Variants in MYO7A observed in about 807,000 individuals in gnomAD.
MYO7A encodes the protein unconventional myosin-VIIa.
In MYO7A, 210 loss-of-function variants were observed where a neutral mutation model predicts 263.8. That is an observed-to-expected ratio of 0.80 (90% CI 0.71 to 0.89). The LOEUF (loss-of-function observed/expected upper bound fraction) is 0.89. Ranked by LOEUF, MYO7A falls within the 40% of genes least tolerant of loss-of-function variation. The pLI, the probability that MYO7A is intolerant of heterozygous loss-of-function variation, is 0.00. For synonymous variants in MYO7A, 1,239 were observed against 1,197.3 expected, an observed-to-expected ratio of 1.03 and a Z score of -0.72; for missense variants, 2,820 against 2,968.3, an observed-to-expected ratio of 0.95 and a Z score of 1.16.
chr11:77,174,927 G>C lies in MYO7A; in HGVS notation c.2094+13G>C, dbSNP rs1555079148. The C allele has an allele frequency of 6.2e-7, 1 of 1,609,366 alleles. No homozygotes were observed. Among genetic ancestry groups the C allele is most frequent in the East Asian group, 2.2e-5 (1 of 44,736 alleles). Reference sequence around the variant, plus strand: ...GGCCTACAAGCAGGTACAGGGCTGAGTGCACAGAGGGCAGGAGGGGAGGGT... The same window carrying C: ...GGCCTACAAGCAGGTACAGGGCTGACTGCACAGAGGGCAGGAGGGGAGGGT... On this transcript the variant is annotated intron_variant, in intron 17 of 48. Coordinates refer to ENST00000409709, the MANE Select transcript of MYO7A (RefSeq NM_000260.4).
chr11:77,214,124 G>C, intron 48 of MYO7A, 145 bp downstream of exon 48: 1 of 1,152,238 alleles, frequency 8.7e-7, no homozygotes, highest in Non-Finnish European at 1.2e-6. Context: ...GGTCAGGTCA[G>C]TTTGAGGCTC....
chr11:77,213,471 CCT>C (rs1276774216), intron 47 of MYO7A, among the ~76,000 whole-genome samples: 2 of 152,210 alleles, frequency 1.3e-5, no homozygotes, highest in African/African-American at 4.8e-5. Flanking sequence ...TCCTGGCTGT[CCT>C]CTGTGTCTTG....
At chr11:77,167,659 C>A (rs1307508342) in intron 15 of MYO7A, among the ~76,000 whole-genome samples, 1 of 152,168 alleles carries the variant, frequency 6.6e-6, no homozygotes, top group Non-Finnish European at 1.5e-5. Flanking sequence ...GCCTCCTTTT[C>A]TCTCCTCAGC....
At position 77,157,383 on chromosome 11, in the gene MYO7A, C is replaced by T. The variant is rs782414874; in HGVS notation, c.840C>T (p.Tyr280=). ...LGLGQASDYN[Y]LAMGNCITCE... ...TGGGCCAGGCCTCTGACTACAACTA[C>T]TTGGCCATGGTGAGGCCCAGGTGGG... Residue 280 remains tyrosine (Y), a synonymous_variant, in exon 8 of 49, where the codon TAC becomes TAT. Coordinates refer to ENST00000409709, the MANE Select transcript of MYO7A (RefSeq NM_000260.4). 3.1e-6 allele frequency: 5 copies of T among 1,606,062 alleles called. No homozygotes were observed. Among genetic ancestry groups the T allele is most frequent in the Non-Finnish European group, 3.4e-6 (4 of 1,176,436 alleles).
chr11:77,177,591 A>T lies in MYO7A; in HGVS notation c.2230A>T (p.Ile744Phe). The change falls in exon 19 of 49, where the codon ATC (isoleucine) becomes TTC (phenylalanine). Residue 744 changes from isoleucine (I) to phenylalanine (F), a missense_variant. Coordinates refer to ENST00000409709, the MANE Select transcript of MYO7A (RefSeq NM_000260.4). ...MLLEVERDKA[I>F]TDRVILLQKV... ...GCTGGAAGTGGAGCGGGACAAAGCC[A>T]TCACCGACAGAGTCATCCTCCTTCA... The T allele has an allele frequency of 6.2e-7, 1 of 1,612,368 alleles. No homozygotes were observed. The highest frequency in any genetic ancestry group is 8.5e-7 in the Non-Finnish European group (1 of 1,179,472).
At chr11:77,168,906 A>G (rs1459905987) in intron 15 of MYO7A, among the ~76,000 whole-genome samples, 4 of 152,344 alleles carry the variant, frequency 2.6e-5, no homozygotes, top group Non-Finnish European at 5.9e-5. Context: ...TGCCTCAGGG[A>G]CTTGTCTAAG....
intron 17 of MYO7A, 34 bp downstream of exon 17, chr11:77,174,948 A>C: frequency 6.3e-7 from 1 of 1,598,220 alleles, no homozygotes; most frequent in Non-Finnish European, 8.6e-7. Context: ...GCAGGAGGGG[A>C]GGGTCCCAGC....
chr11:77,180,427 T>G lies in MYO7A; in HGVS notation c.2640T>G (p.Leu880=), dbSNP rs1555083395. Residue 880 remains leucine, a synonymous_variant, in exon 22 of 49, where the codon CTT becomes CTG. Transcript: ENST00000409709. Reference sequence around the variant, plus strand: ...TGCGGCTGGCGGAGGAAGAGAAGCTTCGGAAGGAGATGAGCGCCAAGAAGG... The same window carrying G: ...TGCGGCTGGCGGAGGAAGAGAAGCTGCGGAAGGAGATGAGCGCCAAGAAGG... ...EKMRLAEEEK[L]RKEMSAKKAK... is the part of the protein sequence containing the mutation. The G allele has an allele frequency of 6.2e-7, 1 of 1,612,256 alleles. No homozygotes were observed. The highest frequency in any genetic ancestry group is 8.5e-7 in the Non-Finnish European group (1 of 1,179,758).
At chr11:77,196,575 A>G (rs1220762985) in intron 32 of MYO7A, among the ~76,000 whole-genome samples, 1 of 152,226 alleles carries the variant, frequency 6.6e-6, no homozygotes, top group African/African-American at 2.4e-5. Context: ...TGTGCACTTC[A>G]CTTCCCAGAT....
chr11:77,131,329 C>T (rs1418619549), intron 2 of MYO7A, among the ~76,000 whole-genome samples: 2 of 152,208 alleles, frequency 1.3e-5, no homozygotes, highest in Non-Finnish European at 2.9e-5. Context: ...TTCTCGGTCT[C>T]CAGGGTCACC....
Position 77,211,941 on chromosome 11 carries a change from C to A in MYO7A, c.6354+4C>A, listed in dbSNP as rs1160965407. On this transcript the variant is annotated splice_donor_region_variant and intron_variant, in intron 46 of 48. Coordinates refer to ENST00000409709, the MANE Select transcript of MYO7A (RefSeq NM_000260.4). ...CTCAGCCTTCTTCGAGGTGAAGGTA[C>A]ACCATGGGCTTCTCAGAGCAGAGGA... 1 of 1,606,362 alleles carries A rather than the reference C, an allele frequency of 6.2e-7. No individual in the cohort carries two copies. The highest frequency in any genetic ancestry group is 8.5e-7 in the Non-Finnish European group (1 of 1,173,062).
chr11:77,198,795 G>C (rs889546544), intron 34 of MYO7A, among the ~76,000 whole-genome samples, 174 bp downstream of exon 34: 1 of 152,240 alleles, frequency 6.6e-6, no homozygotes, highest in Non-Finnish European at 1.5e-5. Context: ...GGAGGGATGG[G>C]CTTGGGCTTT....
chr11:77,189,371 GC>G lies in MYO7A; in HGVS notation c.3532del (p.Gln1178SerfsTer2), dbSNP rs111033239. 1.2e-6 allele frequency: 2 copies of G among 1,613,732 alleles called. No individual in the cohort carries two copies. The highest frequency in any genetic ancestry group is 1.7e-6 in the Non-Finnish European group (2 of 1,179,878). On this transcript the variant is annotated frameshift_variant, in exon 28 of 49. Coordinates refer to ENST00000409709, the MANE Select transcript of MYO7A (RefSeq NM_000260.4). LOFTEE classifies it high-confidence loss of function. ...ACGAGATCTACTGCCAGATCAGCAA[GC>G]AGCTGACCCACAACCCCTCCAAGAG... ...RDEIYCQISK[Q>X]LTHNPSKSSY...
intron 3 of MYO7A, among the ~76,000 whole-genome samples, chr11:77,143,650 CAG>C (rs1400138836): frequency 2.0e-5 from 3 of 152,192 alleles, no homozygotes; most frequent in Admixed American, 6.5e-5. Flanking sequence ...GCAGAGCACA[CAG>C]GGGCAGCTTA....
intron 11 of MYO7A, among the ~76,000 whole-genome samples, chr11:77,160,689 G>A (rs1952911294): frequency 6.6e-6 from 1 of 152,186 alleles, no homozygotes; most frequent in Admixed American, 6.5e-5. Context: ...GTTGGACATA[G>A]AGATGAGAGC....
At chr11:77,176,985 G>A (rs536927949) in intron 18 of MYO7A, among the ~76,000 whole-genome samples, 1 of 152,308 alleles carries the variant, frequency 6.6e-6, no homozygotes, top group South Asian at 2.1e-4. Context: ...AGACACCCTG[G>A]ATCATGGGTG....
chr11:77,171,173 G>T (rs115376118), intron 15 of MYO7A, among the ~76,000 whole-genome samples: 1 of 152,216 alleles, frequency 6.6e-6, no homozygotes, highest in South Asian at 2.1e-4. Flanking sequence ...GTGCGTGCGC[G>T]TGTGTGTACA....
chr11:77,172,113 C>A (rs1185972775), intron 15 of MYO7A, among the ~76,000 whole-genome samples: 1 of 152,230 alleles, frequency 6.6e-6, no homozygotes, highest in East Asian at 1.9e-4. Context: ...CGCCCCTCCT[C>A]CTCGCGCTTG....
At chr11:77,210,977 C>T in intron 44 of MYO7A, 175 bp from the exon 45 acceptor site, 1 of 625,848 alleles carries the variant, frequency 1.6e-6, no homozygotes, top group South Asian at 2.0e-5. Context: ...CTTGCTCTGT[C>T]CCTGTCCTGT....
Sources: allele counts gnomAD v4.1 joint callset (sites outside exome capture counted in the v4.1 genomes callset), GRCh38; gene constraint gnomAD v4.1.1; transcripts MANE v1.5; gene names NCBI Gene and HGNC (gene_info 2026-07-23, HGNC 2026-07-21).